PCYT2: variants seen among roughly 807,000 people sequenced by gnomAD.
PCYT2 encodes ethanolamine-phosphate cytidylyltransferase.
Under a neutral mutation model 50.0 loss-of-function variants are expected in PCYT2, and 33 were observed. The ratio of observed to expected loss-of-function variants is 0.66; its 90% CI spans 0.50 to 0.88. PCYT2 has a LOEUF of 0.88. PCYT2 is among the 40% of genes least tolerant of loss of function. The probability of loss-of-function intolerance (pLI) is 0.00; values close to 1 mark genes in which losing one functional copy is unlikely to be tolerated. For synonymous variants in PCYT2, 240 were observed against 203.7 expected (o/e 1.18, Z -1.52); for missense variants, 430 against 519.7 (o/e 0.83, Z 1.68).
chr17:81,909,062 TG>T (rs772014037), intron 2 of PCYT2, 25 bp from the exon 3 acceptor site: 4 of 1,604,360 alleles, frequency 2.5e-6, no homozygotes, highest in Non-Finnish European at 2.6e-6. Flanking sequence ...ACGGGGAGAC[TG>T]GGGACCCCAG....
Position 81,902,029 on chromosome 17 carries a change from T to C in PCYT2, c.*2804A>G, listed in dbSNP as rs1199243166. ...GGCGCGAGCGGCATGGGTGGGGAGC[T>C]TGAGGGGGCGTTGGGCTCCCACCAA... On this transcript the variant is annotated 3_prime_UTR_variant, in exon 13 of 13. Transcript: ENST00000538936. 3.8e-6 allele frequency: 1 copy of C among 263,508 alleles called. No individual in the cohort carries two copies. The highest frequency in any genetic ancestry group is 5.5e-5 in the Admixed American group (1 of 18,294). The allele number at this position is 263,508 out of a possible 1,614,324, so 16.3% of individuals were successfully genotyped here. A position where few individuals can be genotyped will look rare whatever the true frequency, so the allele number is the denominator to read the frequency against.
At chr17:81,909,892 G>A (rs2040482379) in intron 1 of PCYT2, among the ~76,000 whole-genome samples, 1 of 152,208 alleles carries the variant, frequency 6.6e-6, no homozygotes, top group Admixed American at 6.5e-5. Flanking sequence ...AGGACAGACT[G>A]GAGCCCACTG....
At chr17:81,910,826 C>G (rs1483642062) in intron 1 of PCYT2, 1 of 930,356 alleles carries the variant, frequency 1.1e-6, no homozygotes, top group Admixed American at 6.2e-5. Flanking sequence ...CGCATTCTAG[C>G]CCCGCGGAGG....
chr17:81,902,611 G>GC lies in PCYT2; in HGVS notation c.*2221dup, dbSNP rs747495651. 13 of 1,568,694 alleles carry GC rather than the reference G, an allele frequency of 8.3e-6. No homozygotes were observed. The highest frequency in any genetic ancestry group is 7.3e-5 in the East Asian group (3 of 41,180). On this transcript the variant is annotated 3_prime_UTR_variant, in exon 13 of 13. Transcript: ENST00000538936. ...GCGGCCCCTCAGCCTTTGCTTGCCT[G>GC]CCCCCCAGGCTGTGTGCGTCCAGGA...
Position 81,902,677 on chromosome 17 carries a change from G to A in PCYT2, c.*2156C>T, listed in dbSNP as rs779685628. On this transcript the variant is annotated 3_prime_UTR_variant, in exon 13 of 13. Transcript: ENST00000538936. The stretch of plus-strand genomic sequence containing the variant: ...GCAGAGGTGCGAGCGGCTCCCCGAC[G>A]GCCGCGGGACCTACCAGTGCAAGGC... 2.5e-6 allele frequency: 4 copies of A among 1,607,778 alleles called. No individual in the cohort carries two copies. Among genetic ancestry groups the A allele is most frequent in the Non-Finnish European group, 2.5e-6 (3 of 1,178,580 alleles).
In PCYT2 at chr17:81,905,702, C is replaced by CG. The variant is rs752076639; in HGVS notation, c.870dup (p.Ala291ArgfsTer25). On this transcript the variant is annotated frameshift_variant, in exon 10 of 13. Coordinates refer to ENST00000538936, the MANE Select transcript of PCYT2 (RefSeq NM_002861.5). LOFTEE classifies it high-confidence loss of function. ...TGACTTAGGAGCTCTGCTGTGACCGCGTACGGGGCTCCAATCACCACTTCT... is the reference window on the plus strand; with the variant it reads ...TGACTTAGGAGCTCTGCTGTGACCGCGGTACGGGGCTCCAATCACCACTTCT... 6.2e-7 allele frequency: 1 copy of CG among 1,613,630 alleles called. No homozygotes were observed. Among genetic ancestry groups the CG allele is most frequent in the Non-Finnish European group, 8.5e-7 (1 of 1,179,976 alleles).
intron 6 of PCYT2, chr17:81,907,246 C>T (rs1467390170): frequency 4.6e-6 from 7 of 1,534,008 alleles, no homozygotes; most frequent in African/African-American, 2.7e-5. Context: ...CGGCGGGTAT[C>T]GGGTGAGGGG....
rs1347180650 is a variant in PCYT2, at chr17:81,911,364, A to C, written c.-9T>G. 4.8e-6 allele frequency: 5 copies of C among 1,042,616 alleles called. No homozygotes were observed. Among genetic ancestry groups the C allele is most frequent in the Non-Finnish European group, 4.6e-6 (4 of 871,822 alleles). The allele number at this position is 1,042,616 out of a possible 1,614,324, so 64.6% of individuals were successfully genotyped here. On this transcript the variant is annotated 5_prime_UTR_variant, in exon 1 of 13. Transcript: ENST00000538936. ...CGCCCGTTCCGGATCATGGCCCCGC[A>C]GCGGCGGCGCGGACAGCCTGGCAGC...
rs778150904 is a variant in PCYT2, at chr17:81,906,860, C to G, written c.576G>C (p.Gln192His). ...GGRNPWTGVSQFLQTSQKIIQ... is the reference protein window; with the variant it reads ...GGRNPWTGVSHFLQTSQKIIQ... ...TGATCTTCTGAGATGTCTGCAGGAACTGGGATACCCCGGTCCAGGGGTTCC... is the reference window on the plus strand; with the variant it reads ...TGATCTTCTGAGATGTCTGCAGGAAGTGGGATACCCCGGTCCAGGGGTTCC... The change falls in exon 7 of 13, where the codon CAG (glutamine) becomes CAC (histidine). Residue 192 changes from glutamine to histidine, a missense_variant. By Grantham distance (24) the Gln-to-His change is conservative (BLOSUM62 0). Around this residue, in one of 4 missense-constraint regions of PCYT2, gnomAD observed 248 missense variants for 300.2 expected, o/e 0.83. Coordinates refer to ENST00000538936, the MANE Select transcript of PCYT2 (RefSeq NM_002861.5). 6.2e-7 allele frequency: 1 copy of G among 1,613,380 alleles called. No homozygotes were observed. The highest frequency in any genetic ancestry group is 8.5e-7 in the Non-Finnish European group (1 of 1,179,974).
chr17:81,905,523 C>G, intron 10 of PCYT2, 76 bp from the exon 11 acceptor site: 1 of 1,479,110 alleles, frequency 6.8e-7, no homozygotes, highest in Non-Finnish European at 9.3e-7. Context: ...GCACAGGCCC[C>G]GGGGGTTGGG....
At position 81,902,883 on chromosome 17, in the gene PCYT2, T is replaced by C; in HGVS notation, c.*1950A>G. ...CACCCCGCAGTTAATGGCAAACGAA[T>C]AAATAAATGAGGCGGCCTCGGAGTG... On this transcript the variant is annotated 3_prime_UTR_variant, in exon 13 of 13. Coordinates refer to ENST00000538936, the MANE Select transcript of PCYT2 (RefSeq NM_002861.5). 1.3e-6 allele frequency: 1 copy of C among 755,190 alleles called. No individual in the cohort carries two copies. The highest frequency in any genetic ancestry group is 2.0e-6 in the Non-Finnish European group (1 of 500,434). 46.8% of individuals were successfully genotyped at this position (755,190 alleles called of 1,614,324 possible).
chr17:81,909,212 C>A, intron 2 of PCYT2, 175 bp from the exon 3 acceptor site: 1 of 1,436,904 alleles, frequency 7.0e-7, no homozygotes, highest in Non-Finnish European at 9.1e-7. Flanking sequence ...CTCTTCCCTG[C>A]GAGGGTCTCA....
intron 9 of PCYT2, 63 bp downstream of exon 9, chr17:81,906,037 T>C: frequency 5.6e-6 from 8 of 1,435,758 alleles, no homozygotes; most frequent in Non-Finnish European, 7.7e-6. Context: ...GGGAGGCCCT[T>C]AGTAGGGGGG....
chr17:81,907,753 G>A lies in PCYT2; in HGVS notation c.492+20C>T, dbSNP rs2040356188. 6.2e-7 allele frequency: 1 copy of A among 1,611,420 alleles called. No individual in the cohort carries two copies. The highest frequency in any genetic ancestry group is 8.5e-7 in the Non-Finnish European group (1 of 1,178,932). ...GGAGACCTCGACCCAGGGGCCTCGG[G>A]GATTCCGCCGCCGACTCACCTGGCT... On this transcript the variant is annotated intron_variant, in intron 5 of 12. Coordinates refer to ENST00000538936, the MANE Select transcript of PCYT2 (RefSeq NM_002861.5).
chr17:81,906,031 G>A, intron 9 of PCYT2, 69 bp downstream of exon 9: 6 of 1,394,334 alleles, frequency 4.3e-6, no homozygotes, highest in Non-Finnish European at 5.9e-6. Context: ...GGCTCAGGGA[G>A]GCCCTTAGTA....
chr17:81,911,035 GTGACCGGGCGGGGCCTCCGCCA>G (rs761526963), intron 1 of PCYT2: 929 of 999,024 alleles, frequency 9.3e-4, no homozygotes, highest in Non-Finnish European at 1.0e-3. Context: ...AGAGGTCGGC[GTGACCGGGCGGGGCCTCCGCCA>G]GAGGTAGACG....
At chr17:81,906,402 G>A in intron 8 of PCYT2, 62 bp downstream of exon 8, 5 of 1,511,094 alleles carry the variant, frequency 3.3e-6, no homozygotes, top group South Asian at 2.3e-5. Context: ...TAACAGCAAC[G>A]CTTAGGGCCC....
At position 81,902,429 on chromosome 17, in the gene PCYT2, C is replaced by T; in HGVS notation, c.*2404G>A. 3 of 1,353,200 alleles carry T rather than the reference C, an allele frequency of 2.2e-6. No individual in the cohort carries two copies. The highest frequency in any genetic ancestry group is 5.4e-4 in the Middle Eastern group (2 of 3,688). The allele number at this position is 1,353,200 out of a possible 1,614,324, so 83.8% of individuals were successfully genotyped here. ...CTGCTGTCCGGCCTCCGCAGGTCCC[C>T]GTACGCGCGGCGCTCCCAGCCCTAC... On this transcript the variant is annotated 3_prime_UTR_variant, in exon 13 of 13. Transcript: ENST00000538936.
intron 11 of PCYT2, 69 bp downstream of exon 11, chr17:81,905,313 G>A (rs950733292): frequency 1.4e-6 from 2 of 1,428,164 alleles, no homozygotes; most frequent in Admixed American, 2.0e-5. Flanking sequence ...GGCAGGCACA[G>A]TGAGTCATTA....
Sources: gnomAD v4.1 joint callset for allele counts (sites outside exome capture counted in the v4.1 genomes callset) on GRCh38, gnomAD v4.1.1 for gene constraint, gnomAD v4.1.1 regional missense constraint, MANE v1.5 for transcripts, NCBI Gene and HGNC (gene_info 2026-07-23, HGNC 2026-07-21) for gene names.